Variants in PREX1 observed in about 807,000 individuals in gnomAD.
PREX1 encodes phosphatidylinositol-3,4,5-trisphosphate dependent Rac exchange factor 1, also known as phosphatidylinositol 3,4,5-trisphosphate-dependent Rac exchanger 1 protein.
PREX1 carries 41 observed loss-of-function variants against 198.3 expected under a neutral mutation model. That is an observed-to-expected ratio of 0.21 (90% CI 0.16 to 0.27). PREX1 has a LOEUF of 0.27. Ranked by LOEUF, PREX1 falls within the 10% of genes least tolerant of loss-of-function variation. The pLI, the probability that PREX1 is intolerant of heterozygous loss-of-function variation, is 1.00. For synonymous variants in PREX1, 843 were observed against 887.2 expected (o/e 0.95, Z 0.89); for missense variants, 1,620 against 2,200.7 (o/e 0.74, Z 5.28).
intron 1 of PREX1, among the ~76,000 whole-genome samples, chr20:48,754,353 C>T (rs1300366628): frequency 6.6e-6 from 1 of 152,086 alleles, no homozygotes. Context: ...GGGCCTTAAA[C>T]CCAGACAGTC....
At chr20:48,685,597 T>C (rs536560238) in intron 10 of PREX1, among the ~76,000 whole-genome samples, 13 of 152,268 alleles carry the variant, frequency 8.5e-5, no homozygotes, top group Non-Finnish European at 1.3e-4. Flanking sequence ...AAGACTTGAG[T>C]CCAAGTCTAA....
chr20:48,732,862 G>GC (rs1298123997), intron 4 of PREX1, among the ~76,000 whole-genome samples: 1 of 146,032 alleles, frequency 6.8e-6, no homozygotes, highest in Non-Finnish European at 1.5e-5. Context: ...TCTCCTTCCC[G>GC]CCCTCCCTCC....
chr20:48,750,228 AC>A (rs1303735887), intron 1 of PREX1, among the ~76,000 whole-genome samples: 2 of 149,978 alleles, frequency 1.3e-5, no homozygotes, highest in South Asian at 2.1e-4. Context: ...CACAGCCACC[AC>A]CCCCCCAGTC....
chr20:48,840,737 A>G, the PREX1 span, among the ~76,000 whole-genome samples: 1 of 152,144 alleles, frequency 6.6e-6, no homozygotes, highest in Non-Finnish European at 1.5e-5. Context: ...CTGGCCTTCT[A>G]AGCATCCTTG....
intron 1 of PREX1, among the ~76,000 whole-genome samples, chr20:48,818,056 C>CAA (rs2090466489): frequency 6.6e-6 from 1 of 152,096 alleles, no homozygotes; most frequent in South Asian, 2.1e-4. Context: ...TGATTTTGAG[C>CAA]AAAGGCCTGA....
intron 37 of PREX1, 61 bp downstream of exon 37, chr20:48,629,388 A>C: frequency 6.3e-7 from 1 of 1,581,886 alleles, no homozygotes; most frequent in South Asian, 1.2e-5. Context: ...ACAGGACCCC[A>C]AACTGACCAG....
In PREX1 at chr20:48,627,532, C is replaced by T. The variant is rs187464699; in HGVS notation, c.4937+16G>A. 14 of 1,613,680 alleles carry T rather than the reference C, an allele frequency of 8.7e-6. No homozygotes were observed. The highest frequency in any genetic ancestry group is 1.7e-4 in the Middle Eastern group (1 of 6,060). On this transcript the variant is annotated intron_variant, in intron 39 of 39. Transcript: ENST00000371941. ...CTGGGAGTGGACAGGAAGGGGCGGA[C>T]GAGGCAGCCACTCACCGCGGAGCAC... is the stretch of plus-strand genomic sequence containing the variant.
chr20:48,681,701 T>TGGATGGAG (rs1259499129), intron 10 of PREX1, among the ~76,000 whole-genome samples: 1 of 151,974 alleles, frequency 6.6e-6, no homozygotes, highest in African/African-American at 2.4e-5. Flanking sequence ...GATGGATGGA[T>TGGATGGAG]GGACGGACGG....
At chr20:48,657,865 C>T (rs568471249) in intron 17 of PREX1, among the ~76,000 whole-genome samples, 1 of 152,324 alleles carries the variant, frequency 6.6e-6, no homozygotes, top group South Asian at 2.1e-4. Flanking sequence ...GAGACACCTG[C>T]TTTTTTCCTG....
the PREX1 span, among the ~76,000 whole-genome samples, chr20:48,878,278 A>T: frequency 2.0e-5 from 3 of 152,108 alleles, no homozygotes; most frequent in African/African-American, 7.2e-5. Flanking sequence ...CAGTAGCCTC[A>T]TTTTCTTTGC....
the PREX1 span, among the ~76,000 whole-genome samples, chr20:48,874,471 G>A: frequency 1.3e-5 from 2 of 151,310 alleles, no homozygotes; most frequent in East Asian, 2.0e-4. Flanking sequence ...TATGACTAGC[G>A]TTGTGGCGGG....
At chr20:48,773,190 C>G (rs939438339) in intron 1 of PREX1, among the ~76,000 whole-genome samples, 5 of 146,614 alleles carry the variant, frequency 3.4e-5, no homozygotes, top group Non-Finnish European at 5.9e-5. Context: ...TCACTTGAAC[C>G]TAGGAGGCAA....
intron 5 of PREX1, among the ~76,000 whole-genome samples, chr20:48,710,913 C>T (rs1383792758): frequency 6.6e-6 from 1 of 152,204 alleles, no homozygotes; most frequent in African/African-American, 2.4e-5. Flanking sequence ...GGATGGACCA[C>T]AGATTCAGAC....
intron 1 of PREX1, among the ~76,000 whole-genome samples, chr20:48,823,392 G>A (rs2090495979): frequency 6.6e-6 from 1 of 152,186 alleles, no homozygotes; most frequent in Non-Finnish European, 1.5e-5. Flanking sequence ...CCTCCTCTAG[G>A]GGAGTGGGGG....
At chr20:48,887,272 C>T in the PREX1 span, among the ~76,000 whole-genome samples, 1 of 152,298 alleles carries the variant, frequency 6.6e-6, no homozygotes, top group East Asian at 1.9e-4. Context: ...ATGGAAAGCA[C>T]TTTATTTAAA....
chr20:48,747,368 C>A (rs1393592137), intron 2 of PREX1, among the ~76,000 whole-genome samples: 3 of 152,202 alleles, frequency 2.0e-5, no homozygotes, highest in Non-Finnish European at 4.4e-5. Flanking sequence ...CAAACTGGAC[C>A]CAATTACTCA....
chr20:48,690,893 G>C (rs1050051886), intron 9 of PREX1, 54 bp downstream of exon 9: 1 of 1,608,920 alleles, frequency 6.2e-7, no homozygotes, highest in Non-Finnish European at 8.5e-7. Context: ...CCACTCAGAA[G>C]AAGCCACGCA....
intron 1 of PREX1, among the ~76,000 whole-genome samples, chr20:48,773,908 C>T (rs778796201): frequency 6.6e-6 from 1 of 152,128 alleles, no homozygotes; most frequent in Non-Finnish European, 1.5e-5. Flanking sequence ...TGCAATCGTC[C>T]AGGCGGGAGG....
At chr20:48,642,088 GAGCATT>G in intron 29 of PREX1, 74 bp downstream of exon 29, 2 of 1,433,090 alleles carry the variant, frequency 1.4e-6, no homozygotes, top group Non-Finnish European at 2.0e-6. Flanking sequence ...GGGCAGAGCT[GAGCATT>G]AGCCCGGGTA....
Sources: allele counts gnomAD v4.1 joint callset (sites outside exome capture counted in the v4.1 genomes callset), GRCh38; gene constraint gnomAD v4.1.1; transcripts MANE v1.5; gene names NCBI Gene and HGNC (gene_info 2026-07-23, HGNC 2026-07-21).